ZNF100: variants seen among roughly 807,000 people sequenced by gnomAD.
The protein encoded by ZNF100 is zinc finger protein 100 (Y1).
ZNF100 carries 12 observed loss-of-function variants against 15.8 expected under a neutral mutation model. The ratio of observed to expected loss-of-function variants is 0.76; its 90% confidence interval spans 0.49 to 1.23. The LOEUF is 1.23. ZNF100 is among the 50% of genes most tolerant of loss of function. The pLI, the probability that ZNF100 is intolerant of heterozygous loss-of-function variation, is 0.00. For synonymous variants in ZNF100, 226 were observed against 214.8 expected, an observed-to-expected ratio of 1.05 and a Z score of -0.45; for missense variants, 670 against 635.6, an observed-to-expected ratio of 1.05 and a Z score of -0.58.
At chr19:21,745,872 C>T (rs1011609262) in intron 2 of ZNF100, among the ~76,000 whole-genome samples, 2 of 152,052 alleles carry the variant, frequency 1.3e-5, no homozygotes, top group Admixed American at 6.6e-5. Flanking sequence ...GTTTTTGGCC[C>T]CAAAAGAAAA....
chr19:21,738,884 G>A (rs1385404048), intron 4 of ZNF100, among the ~76,000 whole-genome samples: 1 of 152,090 alleles, frequency 6.6e-6, no homozygotes, highest in East Asian at 1.9e-4. Context: ...GGTGGAAGTT[G>A]CAGTGAGCCG....
chr19:21,725,891 TA>T lies in ZNF100; in HGVS notation c.*791del, dbSNP rs974126788. 18 of 152,162 alleles carry T rather than the reference TA, an allele frequency of 1.2e-4. No homozygotes were observed. Among genetic ancestry groups the T allele is most frequent in the African/African-American group, 4.3e-4 (18 of 41,464 alleles). The allele number at this position is 152,162 out of a possible 1,614,324, so 9.4% of individuals were successfully genotyped here. On this transcript the variant is annotated 3_prime_UTR_variant, in exon 5 of 5. Coordinates refer to ENST00000358296, the MANE Select transcript of ZNF100 (RefSeq NM_173531.4). ...TTACAGACTTAATGATTAAAATTTT[TA>T]AAAAATTTTTCCTGTATCTGCAAAA...
At chr19:21,744,234 T>A in intron 3 of ZNF100, 119 bp from the exon 4 acceptor site, 1 of 920,484 alleles carries the variant, frequency 1.1e-6, no homozygotes, top group Non-Finnish European at 1.5e-6. Context: ...ACGTACTAAT[T>A]AATGAGAGAA....
chr19:21,742,448 C>T (rs1599388832), intron 4 of ZNF100, among the ~76,000 whole-genome samples: 1 of 136,186 alleles, frequency 7.3e-6, no homozygotes. Context: ...GAGCTGAGAT[C>T]GCGCTATTGC....
intron 4 of ZNF100, among the ~76,000 whole-genome samples, chr19:21,731,067 CA>C (rs59813014): frequency 0.017 from 2,620 of 151,130 alleles, 62 homozygotes; most frequent in African/African-American, 0.056. Context: ...CAAGAGTCTT[CA>C]AAAAAAAGAA....
At chr19:21,758,693 C>T (rs1162118670) in intron 2 of ZNF100, among the ~76,000 whole-genome samples, 2 of 152,084 alleles carry the variant, frequency 1.3e-5, no homozygotes, top group Non-Finnish European at 2.9e-5. Context: ...AGTGAAATTC[C>T]CAAGTGTGGT....
chr19:21,763,013 A>C (rs1022478944), intron 2 of ZNF100, among the ~76,000 whole-genome samples: 10 of 152,332 alleles, frequency 6.6e-5, no homozygotes, highest in African/African-American at 2.2e-4. Context: ...TACATATGCC[A>C]TGGAAACATC....
chr19:21,732,506 A>G (rs894125416), intron 4 of ZNF100, among the ~76,000 whole-genome samples: 1 of 152,114 alleles, frequency 6.6e-6, no homozygotes, highest in African/African-American at 2.4e-5. Context: ...GGCTAGACAC[A>G]GTCTTAAATT....
intron 2 of ZNF100, 81 bp downstream of exon 2, chr19:21,765,613 C>T: frequency 7.6e-7 from 1 of 1,310,418 alleles, no homozygotes; most frequent in Non-Finnish European, 1.1e-6. Context: ...ATACCAGCAT[C>T]TGATTGGCTG....
rs1365805875 is a variant in ZNF100 at position 21,723,631 on chromosome 19, A to T, written c.*3052T>A. 6.6e-6 allele frequency: 1 copy of T among 152,190 alleles called. No individual in the cohort carries two copies. Among genetic ancestry groups the T allele is most frequent in the Admixed American group, 6.5e-5 (1 of 15,268 alleles). 9.4% of individuals were successfully genotyped at this position (152,190 alleles called of 1,614,324 possible). ...GAAACTATGTCCTCTCCACATGAAG[A>T]ATCAATTTTATTTCTTCACCACTGA... is the stretch of plus-strand genomic sequence containing the variant. On this transcript the variant is annotated 3_prime_UTR_variant, in exon 5 of 5. Coordinates refer to ENST00000358296, the MANE Select transcript of ZNF100 (RefSeq NM_173531.4).
chr19:21,760,825 C>T (rs574596734), intron 2 of ZNF100, among the ~76,000 whole-genome samples: 27 of 141,872 alleles, frequency 1.9e-4, no homozygotes, highest in African/African-American at 6.4e-4. Context: ...GGTGCGATCT[C>T]GGCTCACTGG....
intron 2 of ZNF100, chr19:21,751,269 A>G: frequency 9.0e-7 from 1 of 1,105,252 alleles, no homozygotes; most frequent in Non-Finnish European, 1.4e-6. Context: ...GAACCACAGT[A>G]AAATGTGACC....
chr19:21,743,721 T>C lies in ZNF100; in HGVS notation c.322+296A>G, dbSNP rs549799946. On this transcript the variant is annotated intron_variant, in intron 4 of 4. Coordinates refer to ENST00000358296, the MANE Select transcript of ZNF100 (RefSeq NM_173531.4). Reference sequence around the variant, plus strand: ...CCCAAATAATGGAAAAGTAGGGAGATTGTGCAGTCTTTTATATGCCTTGAA... The same window carrying C: ...CCCAAATAATGGAAAAGTAGGGAGACTGTGCAGTCTTTTATATGCCTTGAA... 5.3e-5 allele frequency among the ~76,000 whole-genome samples: 8 copies of C among 151,958 alleles called. No individual in the cohort carries two copies. The South Asian group carries it at 1.0e-3, about 20-fold the overall frequency.
At chr19:21,767,331 G>A in intron 1 of ZNF100, 96 bp downstream of exon 1, 1 of 1,596,848 alleles carries the variant, frequency 6.3e-7, no homozygotes, top group Non-Finnish European at 8.6e-7. Context: ...TTGTGAAGCT[G>A]ACTGCGGAGA....
At chr19:21,731,808 T>C (rs867627601) in intron 4 of ZNF100, among the ~76,000 whole-genome samples, 10 of 152,068 alleles carry the variant, frequency 6.6e-5, no homozygotes, top group Non-Finnish European at 8.8e-5. Context: ...TTCTTAGAAA[T>C]AGAAAACAAA....
chr19:21,744,167 C>G, intron 3 of ZNF100, 52 bp from the exon 4 acceptor site: 1 of 1,493,786 alleles, frequency 6.7e-7, no homozygotes, highest in Non-Finnish European at 9.0e-7. Flanking sequence ...CAATTACCAA[C>G]CTAGTACTAT....
intron 2 of ZNF100, 134 bp downstream of exon 2, chr19:21,765,560 T>C (rs2036544048): frequency 1.3e-6 from 1 of 747,550 alleles, no homozygotes; most frequent in East Asian, 2.5e-5. Flanking sequence ...CTGCCCCCCT[T>C]AGATGATCCA....
chr19:21,737,554 G>GA lies in ZNF100; in HGVS notation c.322+6462dup, dbSNP rs566662354. On this transcript the variant is annotated intron_variant, in intron 4 of 4. Coordinates refer to ENST00000358296, the MANE Select transcript of ZNF100 (RefSeq NM_173531.4). ...TCATTCCAAAAATAAAAAAAAAGAAGAAAAAAAAAAAAGGAAATACAATCA... is the reference window on the plus strand; with the variant it reads ...TCATTCCAAAAATAAAAAAAAAGAAGAAAAAAAAAAAAAGGAAATACAATCA... Among the ~76,000 whole-genome samples, 596 of 111,772 alleles carry GA rather than the reference G, an allele frequency of 5.3e-3. 2 individuals are homozygous for GA. The highest frequency in any genetic ancestry group is 0.019 in the African/African-American group (528 of 28,456). The allele number at this position is 111,772 out of a possible 152,430, so 73.3% of individuals were successfully genotyped here. A position where few individuals can be genotyped will look rare whatever the true frequency, so the allele number is the denominator to read the frequency against.
At chr19:21,742,266 C>A (rs1416227719) in intron 4 of ZNF100, among the ~76,000 whole-genome samples, 1 of 146,584 alleles carries the variant, frequency 6.8e-6, no homozygotes, top group African/African-American at 2.5e-5. Context: ...TATTGCACTC[C>A]AGCCTCGGCG....
Sources: allele counts gnomAD v4.1 joint callset (sites outside exome capture counted in the v4.1 genomes callset), GRCh38; gene constraint gnomAD v4.1.1; transcripts MANE v1.5; gene names NCBI Gene and HGNC (gene_info 2026-07-23, HGNC 2026-07-21).